IFT43: variants seen among roughly 807,000 people sequenced by gnomAD.
IFT43 encodes the protein intraflagellar transport protein 43 homolog.
A neutral mutation model predicts 32.3 loss-of-function variants in IFT43; 33 were observed. The ratio of observed to expected loss-of-function variants is 1.02; its 90% CI spans 0.77 to 1.37. The LOEUF (loss-of-function observed/expected upper bound fraction) is 1.37, where lower values mean the gene tolerates loss of function less well. Among genes scored for constraint, IFT43 ranks in the 40% most tolerant of loss-of-function variants. IFT43 has a pLI of 0.00. For synonymous variants in IFT43, 93 were observed against 98.2 expected (o/e 0.95, Z 0.31); for missense variants, 274 against 265.9 (o/e 1.03, Z -0.21).
intron 2 of IFT43, among the ~76,000 whole-genome samples, chr14:76,009,917 C>T (rs1430026843): frequency 2.0e-5 from 3 of 152,136 alleles, no homozygotes; most frequent in African/African-American, 7.2e-5. Context: ...GCCTCAGCCT[C>T]TGGAGTAGCT....
At chr14:76,032,103 C>T (rs1378721555) in intron 3 of IFT43, among the ~76,000 whole-genome samples, 1 of 152,150 alleles carries the variant, frequency 6.6e-6, no homozygotes, top group Non-Finnish European at 1.5e-5. Context: ...CCCTAGATCT[C>T]GGTAAGTGGT....
chr14:75,999,247 ATATATATATATATATATATATATATG>A (rs1255161366), intron 2 of IFT43, among the ~76,000 whole-genome samples: 9 of 59,540 alleles, frequency 1.5e-4, no homozygotes, highest in African/African-American at 1.5e-3. Flanking sequence ...ATATATATAT[ATATATATATATATATATATATATATG>A]TATATATATT....
intron 2 of IFT43, among the ~76,000 whole-genome samples, chr14:76,020,352 A>G (rs2036267829): frequency 6.6e-6 from 1 of 151,820 alleles, no homozygotes; most frequent in Non-Finnish European, 1.5e-5. Context: ...TTTTTTATCC[A>G]TTTCATGGAT....
In IFT43 at chr14:76,032,454, C is replaced by A. The variant is rs1304884421; in HGVS notation, c.215+10060C>A. On this transcript the variant is annotated intron_variant, in intron 3 of 8. Transcript: ENST00000314067. ...AGTCCTTACCATGGCTTACAAGGTC[C>A]TACCTTACCTCACTTTACATAAAGT... 6.6e-5 allele frequency among the ~76,000 whole-genome samples: 10 copies of A among 152,352 alleles called. No individual in the cohort carries two copies. The South Asian group carries it at 1.0e-3, about 16-fold the overall frequency.
chr14:76,075,175 C>T (rs888968612), intron 5 of IFT43, among the ~76,000 whole-genome samples: 6 of 152,210 alleles, frequency 3.9e-5, no homozygotes, highest in African/African-American at 1.4e-4. Context: ...TGCGTATGGT[C>T]AGTCCTGTTC....
intron 1 of IFT43, chr14:75,986,149 G>A (rs975952082): frequency 2.9e-6 from 4 of 1,364,668 alleles, no homozygotes; most frequent in Non-Finnish European, 3.9e-6. Context: ...AACTTCCCCA[G>A]AACAGATCGA....
At chr14:75,997,870 TAG>T (rs1418955971) in intron 2 of IFT43, among the ~76,000 whole-genome samples, 2 of 152,202 alleles carry the variant, frequency 1.3e-5, no homozygotes, top group Non-Finnish European at 2.9e-5. Context: ...TCCTGCAGTT[TAG>T]CTAGAGTGGT....
intron 1 of IFT43, chr14:75,986,107 G>A: frequency 2.8e-6 from 4 of 1,440,856 alleles, no homozygotes; most frequent in Non-Finnish European, 3.7e-6. Flanking sequence ...AAATTTCCGA[G>A]CCTTTCTCCG....
intron 3 of IFT43, among the ~76,000 whole-genome samples, chr14:76,039,130 AT>A (rs113103805): frequency 0.085 from 12,060 of 142,516 alleles, 571 homozygotes; most frequent in Middle Eastern, 0.24. Context: ...GGTATGTTGC[AT>A]TTTTTTTTTT....
intron 2 of IFT43, among the ~76,000 whole-genome samples, chr14:76,002,556 G>A (rs368549133): frequency 3.4e-4 from 52 of 152,254 alleles, no homozygotes; most frequent in African/African-American, 1.2e-3. Flanking sequence ...AAAGGGTCTG[G>A]GAACCACAAG....
At chr14:76,028,464 A>T (rs889126842) in intron 3 of IFT43, among the ~76,000 whole-genome samples, 2 of 152,150 alleles carry the variant, frequency 1.3e-5, no homozygotes, top group South Asian at 2.1e-4. Flanking sequence ...CATGGATTTT[A>T]AAAAAATCTG....
chr14:76,043,997 A>G (rs182991479), intron 3 of IFT43, among the ~76,000 whole-genome samples: 19 of 151,314 alleles, frequency 1.3e-4, no homozygotes, highest in Non-Finnish European at 2.8e-4. Flanking sequence ...GGAAACAAAC[A>G]CTTTACTTAC....
intron 1 of IFT43, chr14:75,986,375 T>G: frequency 2.0e-6 from 2 of 995,718 alleles, no homozygotes; most frequent in Non-Finnish European, 1.3e-6. Flanking sequence ...CAAGACCGAT[T>G]TGTAACGTGA....
chr14:76,076,770 G>A (rs1594866997), intron 5 of IFT43: 2 of 1,513,696 alleles, frequency 1.3e-6, no homozygotes, highest in East Asian at 4.5e-5. Flanking sequence ...ATTTTAGTGT[G>A]CGCATGTGAT....
chr14:76,005,959 A>G (rs140612129), intron 2 of IFT43, among the ~76,000 whole-genome samples: 54 of 148,908 alleles, frequency 3.6e-4, no homozygotes, highest in African/African-American at 1.3e-3. Flanking sequence ...TTCAACATAC[A>G]CTTTTTTTTT....
At chr14:76,034,282 T>C (rs941965699) in intron 3 of IFT43, among the ~76,000 whole-genome samples, 1 of 152,112 alleles carries the variant, frequency 6.6e-6, no homozygotes, top group Non-Finnish European at 1.5e-5. Flanking sequence ...CCTAGTTACG[T>C]CCTTAAGTGT....
intron 3 of IFT43, among the ~76,000 whole-genome samples, chr14:76,053,500 G>A (rs1360338875): frequency 2.0e-5 from 3 of 152,140 alleles, no homozygotes; most frequent in East Asian, 1.9e-4. Context: ...CCTTCACATC[G>A]TCTACCTGAG....
At chr14:76,070,778 C>T (rs552846423) in intron 5 of IFT43, among the ~76,000 whole-genome samples, 1 of 151,986 alleles carries the variant, frequency 6.6e-6, no homozygotes, top group African/African-American at 2.4e-5. Context: ...CCCCACCCCT[C>T]CCTCTTGCTC....
intron 2 of IFT43, among the ~76,000 whole-genome samples, chr14:76,017,974 A>AT (rs1396440534): frequency 6.6e-6 from 1 of 151,166 alleles, no homozygotes; most frequent in African/African-American, 2.4e-5. Context: ...CAGTTTACTA[A>AT]TTTTGTTTAT....
Sources: allele counts gnomAD v4.1 joint callset (sites outside exome capture counted in the v4.1 genomes callset), GRCh38; gene constraint gnomAD v4.1.1; transcripts MANE v1.5; gene names NCBI Gene and HGNC (gene_info 2026-07-23, HGNC 2026-07-21).